The following GLCCI1 variants were observed in gnomAD, a reference collection of about 807,000 sequenced individuals.
GLCCI1 encodes glucocorticoid induced 1.
Under a neutral mutation model 52.2 loss-of-function variants are expected in GLCCI1, and 24 were observed. That is an observed-to-expected ratio of 0.46 (90% CI 0.33 to 0.65). The LOEUF is 0.65. GLCCI1 is among the 30% of genes least tolerant of loss of function. The pLI is 0.02. For missense variants in GLCCI1, 704 were observed against 701.5 expected (o/e 1.00, Z -0.04); for synonymous variants, 310 against 276.5 (o/e 1.12, Z -1.20).
At chr7:8,079,511 A>G (rs781352680) in intron 6 of GLCCI1, among the ~76,000 whole-genome samples, 6 of 151,534 alleles carry the variant, frequency 4.0e-5, no homozygotes, top group Admixed American at 6.6e-5. Context: ...TAACTGTCAT[A>G]TCAGATTAAA....
intron 2 of GLCCI1, among the ~76,000 whole-genome samples, chr7:8,007,479 A>T (rs1211558001): frequency 1.3e-5 from 2 of 152,084 alleles, no homozygotes; most frequent in Admixed American, 6.6e-5. Context: ...CTAACTACTA[A>T]CCTACTTCTT....
intron 6 of GLCCI1, among the ~76,000 whole-genome samples, chr7:8,078,049 A>G (rs974744297): frequency 1.3e-5 from 2 of 151,910 alleles, no homozygotes; most frequent in African/African-American, 2.4e-5. Flanking sequence ...CCTGGCTAAC[A>G]CGGTGAAACC....
At chr7:8,069,592 G>A (rs920365026) in intron 5 of GLCCI1, among the ~76,000 whole-genome samples, 3 of 152,108 alleles carry the variant, frequency 2.0e-5, no homozygotes, top group African/African-American at 7.2e-5. Flanking sequence ...GGGAGGACAT[G>A]GGCTCCTCTC....
intron 2 of GLCCI1, among the ~76,000 whole-genome samples, chr7:8,020,652 A>T (rs1421572489): frequency 1.2e-4 from 18 of 152,200 alleles, no homozygotes; most frequent in Non-Finnish European, 2.4e-4. Context: ...AATTCATATT[A>T]TAAATGTTGA....
At chr7:8,023,155 A>G (rs1203997315) in intron 3 of GLCCI1, among the ~76,000 whole-genome samples, 1 of 152,128 alleles carries the variant, frequency 6.6e-6, no homozygotes, top group Non-Finnish European at 1.5e-5. Context: ...AGCTGGGAGT[A>G]CAGGCACCCA....
intron 2 of GLCCI1, among the ~76,000 whole-genome samples, chr7:8,011,742 A>G (rs1781265837): frequency 1.3e-5 from 2 of 152,136 alleles, no homozygotes; most frequent in South Asian, 2.1e-4. Flanking sequence ...CTATGGCTGT[A>G]GTATTTTATA....
chr7:8,060,186 A>G lies in GLCCI1; in HGVS notation c.904A>G (p.Ile302Val), dbSNP rs1027035409. The G allele has an allele frequency of 3.7e-6, 6 of 1,612,802 alleles. No individual in the cohort carries two copies. Among genetic ancestry groups the G allele is most frequent in the African/African-American group, 1.3e-5 (1 of 75,028 alleles). The change falls in exon 5 of 8, where the codon ATA becomes GTA. Residue 302 changes from isoleucine to valine, a missense_variant. Physicochemically the swap from Ile to Val is conservative, Grantham distance 29. Around this residue, in one of 3 missense-constraint regions of GLCCI1, gnomAD observed 547 missense variants for 524.8 expected, o/e 1.04. Transcript: ENST00000223145. The stretch of plus-strand genomic sequence containing the variant: ...GCGTGTGCCCTGCAATGTAGAAGGA[A>G]TAAGTCCTGAATTAGAAAAGGTATT... ...VSRVPCNVEGISPELEKVFIK... is the reference protein window; with the variant it reads ...VSRVPCNVEGVSPELEKVFIK...
At chr7:8,038,358 G>A (rs970549430) in intron 3 of GLCCI1, among the ~76,000 whole-genome samples, 5 of 152,104 alleles carry the variant, frequency 3.3e-5, no homozygotes, top group African/African-American at 7.2e-5. Flanking sequence ...CACATTACCT[G>A]CCTTCAAATT....
chr7:7,981,087 T>C, intron 1 of GLCCI1: 1 of 471,544 alleles, frequency 2.1e-6, no homozygotes, highest in Middle Eastern at 4.2e-4. Context: ...GAGACCTACC[T>C]GATGCAGATA....
At chr7:8,012,611 A>G (rs958201142) in intron 2 of GLCCI1, among the ~76,000 whole-genome samples, 6 of 150,556 alleles carry the variant, frequency 4.0e-5, no homozygotes, top group Middle Eastern at 3.2e-3. Flanking sequence ...TGCCCGGCTA[A>G]TTTTTTGTAT....
chr7:7,973,494 C>G (rs1780398553), intron 1 of GLCCI1, among the ~76,000 whole-genome samples: 1 of 151,306 alleles, frequency 6.6e-6, no homozygotes, highest in South Asian at 2.1e-4. Flanking sequence ...GATGTAAAAA[C>G]AGTCATATTT....
chr7:8,037,319 A>G (rs1244625467), intron 3 of GLCCI1, among the ~76,000 whole-genome samples: 1 of 152,236 alleles, frequency 6.6e-6, no homozygotes, highest in Non-Finnish European at 1.5e-5. Flanking sequence ...TGAAGGGGAA[A>G]TAGTATTTCC....
At chr7:8,070,186 G>A (rs1363533412) in intron 5 of GLCCI1, 1 of 152,222 alleles carries the variant, frequency 6.6e-6, no homozygotes, top group Non-Finnish European at 1.5e-5. Flanking sequence ...GTACCCTCAA[G>A]ACCAAAATAT....
intron 1 of GLCCI1, among the ~76,000 whole-genome samples, chr7:7,977,722 T>G (rs1780524479): frequency 6.6e-6 from 1 of 152,196 alleles, no homozygotes; most frequent in South Asian, 2.1e-4. Flanking sequence ...GACTAGATGA[T>G]TCTTAAAATT....
At position 8,085,880 on chromosome 7, in the gene GLCCI1, G is replaced by T. The variant is rs527469871; in HGVS notation, c.1299-313G>T. ...TAACAGAAAAGGTCATTCTAACTTT[G>T]CATAATCTTCAATTATAATGTAGAA... is the stretch of plus-strand genomic sequence containing the variant. On this transcript the variant is annotated intron_variant, in intron 7 of 7. Transcript: ENST00000223145. 3.7e-4 allele frequency among the ~76,000 whole-genome samples: 57 copies of T among 152,296 alleles called. 1 individual carries two copies. Among genetic ancestry groups the T allele is most frequent in the Admixed American group, 1.2e-3 (18 of 15,304 alleles).
chr7:8,018,923 A>C (rs1289492039), intron 2 of GLCCI1, among the ~76,000 whole-genome samples: 1 of 152,226 alleles, frequency 6.6e-6, no homozygotes, highest in East Asian at 1.9e-4. Flanking sequence ...ACAGAATAAC[A>C]GACCAGTTGG....
chr7:8,083,963 C>T (rs1187861060), intron 6 of GLCCI1, among the ~76,000 whole-genome samples: 2 of 152,202 alleles, frequency 1.3e-5, no homozygotes, highest in Non-Finnish European at 2.9e-5. Context: ...CTGTTGCTAT[C>T]TTCCCAATAG....
intron 2 of GLCCI1, among the ~76,000 whole-genome samples, chr7:8,012,538 G>A (rs1475996090): frequency 1.4e-5 from 2 of 138,972 alleles, no homozygotes; most frequent in African/African-American, 5.4e-5. Context: ...TCCACCTCCT[G>A]GGTTCATGCC....
At chr7:8,052,019 G>T (rs957189038) in intron 3 of GLCCI1, among the ~76,000 whole-genome samples, 1 of 152,124 alleles carries the variant, frequency 6.6e-6, no homozygotes, top group Non-Finnish European at 1.5e-5. Flanking sequence ...TAGTCACCTT[G>T]TCCTGGGCAG....
Sources: allele counts gnomAD v4.1 joint callset (sites outside exome capture counted in the v4.1 genomes callset), GRCh38; gene constraint gnomAD v4.1.1; regional missense constraint gnomAD v4.1.1; transcripts MANE v1.5; gene names NCBI Gene and HGNC (gene_info 2026-07-23, HGNC 2026-07-21).